The following NBAS variants were observed in gnomAD, a reference collection of about 807,000 sequenced individuals.
The protein encoded by NBAS is NBAS subunit of NRZ tethering complex.
A neutral mutation model predicts 302.5 loss-of-function variants in NBAS; 219 were observed. The ratio of observed to expected loss-of-function variants is 0.72; its 90% CI spans 0.65 to 0.81. The LOEUF (loss-of-function observed/expected upper bound fraction) is 0.81. NBAS is among the 30% of genes least tolerant of loss of function. NBAS has a pLI of 0.00. For missense variants in NBAS, 2,932 were observed against 2,841.6 expected, an observed-to-expected ratio of 1.03 and a Z score of -0.72; for synonymous variants, 1,118 against 1,021.6, an observed-to-expected ratio of 1.09 and a Z score of -1.80.
chr2:15,235,421 T>C (rs894333848), intron 45 of NBAS, among the ~76,000 whole-genome samples: 1 of 152,126 alleles, frequency 6.6e-6, no homozygotes, highest in African/African-American at 2.4e-5. Context: ...CCAAATAATT[T>C]AAGAAATAAG....
intron 44 of NBAS, among the ~76,000 whole-genome samples, chr2:15,270,636 T>C (rs1441408595): frequency 6.6e-6 from 1 of 152,226 alleles, no homozygotes; most frequent in Non-Finnish European, 1.5e-5. Context: ...ACCTACTTTA[T>C]ACTGTGCTAG....
At chr2:15,181,805 A>T (rs144833795) in intron 50 of NBAS, among the ~76,000 whole-genome samples, 10 of 152,078 alleles carry the variant, frequency 6.6e-5, no homozygotes, top group Non-Finnish European at 1.5e-4. Flanking sequence ...TCCTCACACA[A>T]CTCTCCTACT....
At chr2:15,196,584 G>C (rs559822038) in intron 48 of NBAS, among the ~76,000 whole-genome samples, 2 of 152,076 alleles carry the variant, frequency 1.3e-5, no homozygotes, top group South Asian at 4.2e-4. Context: ...ACAAAATGCA[G>C]AAAACAAACT....
intron 19 of NBAS, among the ~76,000 whole-genome samples, chr2:15,463,465 A>AT (rs1679592702): frequency 6.6e-6 from 1 of 152,146 alleles, no homozygotes; most frequent in Non-Finnish European, 1.5e-5. Flanking sequence ...ACTAAGTGGT[A>AT]TTTTAACTAC....
the NBAS span, among the ~76,000 whole-genome samples, chr2:15,059,199 T>C: frequency 1.3e-5 from 2 of 152,192 alleles, no homozygotes; most frequent in South Asian, 2.1e-4. Context: ...CAGAGACAAT[T>C]TGTAAACTCC....
the NBAS span, among the ~76,000 whole-genome samples, chr2:14,995,633 A>G: frequency 2.0e-5 from 3 of 152,170 alleles, no homozygotes; most frequent in Admixed American, 2.0e-4. Flanking sequence ...TGCAGACCAC[A>G]TGCCTCAGGC....
chr2:15,384,122 T>C (rs534960134), intron 28 of NBAS, among the ~76,000 whole-genome samples: 8 of 152,340 alleles, frequency 5.3e-5, no homozygotes, highest in Non-Finnish European at 1.2e-4. Context: ...CAATCAGGGA[T>C]CTGTTTTATC....
chr2:15,444,612 A>C (rs1678622664), intron 21 of NBAS, among the ~76,000 whole-genome samples: 1 of 152,196 alleles, frequency 6.6e-6, no homozygotes, highest in South Asian at 2.1e-4. Context: ...TTCATGTCTA[A>C]AACACCAAAA....
At chr2:15,376,590 T>C (rs895754146) in intron 30 of NBAS, among the ~76,000 whole-genome samples, 3 of 152,030 alleles carry the variant, frequency 2.0e-5, no homozygotes, top group African/African-American at 7.2e-5. Context: ...AGATAAGATA[T>C]CACCTGTGTG....
At chr2:15,463,422 T>A (rs1679589821) in intron 19 of NBAS, among the ~76,000 whole-genome samples, 1 of 152,160 alleles carries the variant, frequency 6.6e-6, no homozygotes, top group Non-Finnish European at 1.5e-5. Context: ...ACCCCGACTC[T>A]GTGATCACCG....
chr2:15,093,636 C>G, the NBAS span, among the ~76,000 whole-genome samples: 3 of 152,114 alleles, frequency 2.0e-5, no homozygotes, highest in African/African-American at 7.2e-5. Flanking sequence ...CTATAAGGAA[C>G]TTTATCAGTG....
At chr2:15,049,720 G>A in the NBAS span, among the ~76,000 whole-genome samples, 8 of 152,176 alleles carry the variant, frequency 5.3e-5, no homozygotes, top group Non-Finnish European at 1.2e-4. Flanking sequence ...GCTGTCAGAC[G>A]ATGGAGACAA....
At chr2:15,106,561 C>T in the NBAS span, among the ~76,000 whole-genome samples, 1 of 152,000 alleles carries the variant, frequency 6.6e-6, no homozygotes, top group African/African-American at 2.4e-5. Flanking sequence ...GAAGTTCAAA[C>T]TCCACCGCTT....
At chr2:15,532,568 C>A (rs1339549420) in intron 9 of NBAS, among the ~76,000 whole-genome samples, 4 of 149,820 alleles carry the variant, frequency 2.7e-5, no homozygotes, top group Non-Finnish European at 4.4e-5. Context: ...AGTGAAAATT[C>A]TTTGTGCATA....
Position 15,312,746 on chromosome 2 carries a change from C to A in NBAS, c.4583-3499G>T, listed in dbSNP as rs557381139. ...TAACTTTCATATTTCTAAAATAGTA[C>A]CTTATTTTCCCAATAAACTAAACTT... On this transcript the variant is annotated intron_variant, in intron 38 of 51. Transcript: ENST00000281513. Among the ~76,000 whole-genome samples, 8 of 152,298 alleles carry A rather than the reference C, an allele frequency of 5.3e-5. No individual in the cohort carries two copies. The East Asian group carries it at 1.4e-3, about 26-fold the overall frequency.
At chr2:14,951,526 G>A in the NBAS span, among the ~76,000 whole-genome samples, 3 of 152,148 alleles carry the variant, frequency 2.0e-5, no homozygotes, top group African/African-American at 4.8e-5. Context: ...CTCACTCTGC[G>A]GATCACATCA....
intron 22 of NBAS, among the ~76,000 whole-genome samples, chr2:15,426,796 G>A (rs1199719071): frequency 6.6e-6 from 1 of 152,144 alleles, no homozygotes; most frequent in Admixed American, 6.5e-5. Context: ...TCTAACCTCG[G>A]ATGTCCAGGA....
the NBAS span, among the ~76,000 whole-genome samples, chr2:15,067,157 C>T: frequency 0.62 from 64,004 of 103,248 alleles, 19,045 homozygotes; most frequent in Middle Eastern, 0.71. Flanking sequence ...ACCTTATCTC[C>T]ACAAAAAAAA....
chr2:15,547,647 T>C (rs1295300402), intron 6 of NBAS, among the ~76,000 whole-genome samples: 2 of 152,160 alleles, frequency 1.3e-5, no homozygotes, highest in Non-Finnish European at 2.9e-5. Flanking sequence ...AAAAGAACCC[T>C]GTATATCTGA....
Sources: allele counts gnomAD v4.1 joint callset (sites outside exome capture counted in the v4.1 genomes callset), GRCh38; gene constraint gnomAD v4.1.1; transcripts MANE v1.5; gene names NCBI Gene and HGNC (gene_info 2026-07-23, HGNC 2026-07-21).